The following MRPS9 variants were observed in gnomAD, a reference collection of about 807,000 sequenced individuals.
The protein encoded by MRPS9 is small ribosomal subunit protein uS9m.
MRPS9 carries 45 observed loss-of-function variants against 59.9 expected under a neutral mutation model. The ratio of observed to expected loss-of-function variants is 0.75; its 90% CI spans 0.59 to 0.96. The LOEUF (loss-of-function observed/expected upper bound fraction) is 0.96. MRPS9 is among the 40% of genes least tolerant of loss of function. The pLI is 0.00. For missense variants in MRPS9, 473 were observed against 481.1 expected (o/e 0.98, Z 0.16); for synonymous variants, 171 against 166.8 (o/e 1.03, Z -0.19).
At chr2:105,063,122 T>C (rs566688957) in intron 2 of MRPS9, among the ~76,000 whole-genome samples, 34 of 152,288 alleles carry the variant, frequency 2.2e-4, no homozygotes, top group African/African-American at 8.2e-4. Context: ...AAAACAGCAA[T>C]GGGCAAGGTG....
chr2:105,070,961 G>A (rs945304557), intron 2 of MRPS9, among the ~76,000 whole-genome samples: 8 of 152,178 alleles, frequency 5.3e-5, no homozygotes, highest in Admixed American at 5.2e-4. Context: ...TCTTTGATAT[G>A]TGCACGACCA....
chr2:105,095,324 A>T (rs1215999574), intron 9 of MRPS9, among the ~76,000 whole-genome samples: 1 of 152,180 alleles, frequency 6.6e-6, no homozygotes, highest in Non-Finnish European at 1.5e-5. Flanking sequence ...CTTAATTTTT[A>T]AAATTTTATG....
chr2:105,087,419 T>C (rs1443552195), intron 5 of MRPS9, among the ~76,000 whole-genome samples: 1 of 152,216 alleles, frequency 6.6e-6, no homozygotes. Context: ...GCTTGGATGC[T>C]GCTGCTGCTG....
Position 105,047,151 on chromosome 2 carries a change from A to G in MRPS9, c.136-2020A>G, listed in dbSNP as rs528212540. Among the ~76,000 whole-genome samples the G allele has an allele frequency of 4.6e-5, 7 of 152,126 alleles. No individual in the cohort carries two copies. The East Asian group carries it at 1.4e-3, about 29-fold the overall frequency. ...GACCATGCATTAGCCAGTTGTGGTC[A>G]TGCTTTTACTCATTGACAGCAATAC... On this transcript the variant is annotated intron_variant, in intron 1 of 10. Coordinates refer to ENST00000258455, the MANE Select transcript of MRPS9 (RefSeq NM_182640.3).
At chr2:105,055,926 T>C (rs1679784372) in intron 2 of MRPS9, among the ~76,000 whole-genome samples, 1 of 152,222 alleles carries the variant, frequency 6.6e-6, no homozygotes, top group Admixed American at 6.5e-5. Flanking sequence ...TTAGAAGTTA[T>C]AATGGTTTTA....
At chr2:105,092,243 G>T in intron 7 of MRPS9, 158 bp from the exon 8 acceptor site, 1 of 510,920 alleles carries the variant, frequency 2.0e-6, no homozygotes, top group Non-Finnish European at 3.3e-6. Context: ...TGATGCATCT[G>T]CATGCTGTTT....
At chr2:105,058,286 A>T (rs768351438) in intron 2 of MRPS9, among the ~76,000 whole-genome samples, 1 of 152,236 alleles carries the variant, frequency 6.6e-6, no homozygotes, top group Non-Finnish European at 1.5e-5. Context: ...CTGGTAATTT[A>T]TAAGCGAATC....
At chr2:105,050,408 GGGATTACA>G (rs1466041706) in intron 2 of MRPS9, among the ~76,000 whole-genome samples, 2 of 152,274 alleles carry the variant, frequency 1.3e-5, no homozygotes, top group East Asian at 1.9e-4. Flanking sequence ...CCAAATTGCT[GGGATTACA>G]GGCGTTAGCC....
intron 4 of MRPS9, 49 bp downstream of exon 4, chr2:105,071,538 C>T (rs771444253): frequency 1.6e-5 from 25 of 1,557,046 alleles, no homozygotes; most frequent in African/African-American, 1.1e-4. Flanking sequence ...TACCGTATTC[C>T]GGTGTTAGGT....
intron 2 of MRPS9, among the ~76,000 whole-genome samples, chr2:105,070,506 A>G (rs377611621): frequency 8.5e-5 from 13 of 152,190 alleles, no homozygotes; most frequent in African/African-American, 2.4e-4. Flanking sequence ...TAAATGCACT[A>G]CTGGATCCCA....
At chr2:105,097,725 C>A (rs1680697089) in intron 10 of MRPS9, among the ~76,000 whole-genome samples, 1 of 152,086 alleles carries the variant, frequency 6.6e-6, no homozygotes, top group Admixed American at 6.6e-5. Flanking sequence ...GTTTTTTAAA[C>A]AGTCTCTCTC....
intron 7 of MRPS9, 97 bp downstream of exon 7, chr2:105,090,092 A>T: frequency 1.7e-6 from 1 of 579,476 alleles, no homozygotes; most frequent in Non-Finnish European, 2.9e-6. Context: ...CCTCAGAGGC[A>T]GGTGTTCCTA....
intron 2 of MRPS9, among the ~76,000 whole-genome samples, chr2:105,060,043 C>T (rs555347122): frequency 3.7e-5 from 5 of 134,294 alleles, no homozygotes; most frequent in Non-Finnish European, 8.1e-5. Context: ...AAAAAAAGAC[C>T]CTGAAGTATT....
At chr2:105,049,499 T>C (rs1373720763) in intron 2 of MRPS9, 149 bp downstream of exon 2, 1 of 690,274 alleles carries the variant, frequency 1.4e-6, no homozygotes, top group African/African-American at 1.8e-5. Flanking sequence ...GTTGGAGCCA[T>C]GGTTTCAAAG....
intron 9 of MRPS9, among the ~76,000 whole-genome samples, chr2:105,095,754 C>A (rs776780640): frequency 2.6e-5 from 4 of 152,024 alleles, no homozygotes; most frequent in Non-Finnish European, 4.4e-5. Flanking sequence ...GCCTCGGCCT[C>A]CCAAAGTGCT....
chr2:105,077,727 A>C (rs1368592325), intron 4 of MRPS9, among the ~76,000 whole-genome samples: 1 of 152,208 alleles, frequency 6.6e-6, no homozygotes, highest in African/African-American at 2.4e-5. Context: ...TATCAAGAGA[A>C]ACAGAAACTA....
intron 2 of MRPS9, among the ~76,000 whole-genome samples, chr2:105,067,973 A>G (rs374720856): frequency 1.4e-4 from 22 of 152,282 alleles, no homozygotes; most frequent in African/African-American, 5.1e-4. Context: ...GACTACAGTC[A>G]TGTGCCACCA....
intron 2 of MRPS9, among the ~76,000 whole-genome samples, chr2:105,058,031 TCTC>T (rs1253929089): frequency 6.6e-6 from 1 of 152,196 alleles, no homozygotes; most frequent in Non-Finnish European, 1.5e-5. Flanking sequence ...AATGTTTTAT[TCTC>T]CTAAGTGTGA....
intron 1 of MRPS9, among the ~76,000 whole-genome samples, chr2:105,048,953 A>G (rs888115251): frequency 1.3e-5 from 2 of 151,718 alleles, no homozygotes; most frequent in African/African-American, 2.4e-5. Flanking sequence ...TTGAAATGCT[A>G]GTAGCTTAAA....
Sources: allele counts gnomAD v4.1 joint callset (sites outside exome capture counted in the v4.1 genomes callset), GRCh38; gene constraint gnomAD v4.1.1; transcripts MANE v1.5; gene names NCBI Gene and HGNC (gene_info 2026-07-23, HGNC 2026-07-21).